Variants in CAMTA1 observed in about 807,000 individuals in gnomAD.
CAMTA1 encodes the protein calmodulin binding transcription activator 1.
CAMTA1 carries 27 observed loss-of-function variants against 170.9 expected under a neutral mutation model. That is an observed-to-expected ratio of 0.16 (90% CI 0.12 to 0.22). The LOEUF (loss-of-function observed/expected upper bound fraction) is 0.22. Ranked by LOEUF, CAMTA1 falls within the 10% of genes least tolerant of loss-of-function variation. The pLI is 1.00. For missense variants in CAMTA1, 1,619 were observed against 2,217.2 expected (o/e 0.73, Z 5.42); for synonymous variants, 833 against 891.5 (o/e 0.93, Z 1.17).
intron 3 of CAMTA1, chr1:6,888,199 G>A (rs1355667284): frequency 4.9e-5 from 48 of 986,144 alleles, no homozygotes; most frequent in Non-Finnish European, 5.8e-5. Context: ...GCTGTTGAAC[G>A]AATGTGTGGG....
intron 4 of CAMTA1, among the ~76,000 whole-genome samples, chr1:7,232,246 G>GC (rs75430357): frequency 1 from 152,232 of 152,234 alleles, 76,115 homozygotes; most frequent in Non-Finnish European, 1. Flanking sequence ...CAGTGGCTGA[G>GC]CAAGGCACCC....
At chr1:7,439,598 C>A (rs944443724) in intron 5 of CAMTA1, among the ~76,000 whole-genome samples, 1 of 152,216 alleles carries the variant, frequency 6.6e-6, no homozygotes, top group African/African-American at 2.4e-5. Flanking sequence ...CTCAAGCCTG[C>A]GCATGGTACG....
intron 3 of CAMTA1, among the ~76,000 whole-genome samples, chr1:6,945,459 C>T (rs1571937493): frequency 6.6e-6 from 1 of 152,158 alleles, no homozygotes; most frequent in South Asian, 2.1e-4. Flanking sequence ...GGTGATCCTC[C>T]CACCTCAGCC....
At position 7,007,965 on chromosome 1, in the gene CAMTA1, C is replaced by T. The variant is rs10864263; in HGVS notation, c.235-83339C>T. Among the ~76,000 whole-genome samples the T allele has an allele frequency of 0.37, 56,176 of 152,016 alleles. 11,283 individuals carry two copies. The highest frequency in any genetic ancestry group is 0.54 in the African/African-American group (22,570 of 41,458). On this transcript the variant is annotated intron_variant, in intron 3 of 22. Coordinates refer to ENST00000303635, the MANE Select transcript of CAMTA1 (RefSeq NM_015215.4). The surrounding 1 kb of genome is among the most constrained non-coding windows in gnomAD (Gnocchi z 4.5). ...AGAGCCCTGCGTGGAAAGGGAGGCC[C>T]GTGTTGGTGCCCTGTCCTCATCCAG...
At chr1:7,374,181 C>T (rs970089378) in intron 5 of CAMTA1, among the ~76,000 whole-genome samples, 54 of 152,230 alleles carry the variant, frequency 3.5e-4, no homozygotes, top group South Asian at 6.2e-4. Flanking sequence ...ACAGACAGTG[C>T]GCCTGGTCCC....
At chr1:7,569,368 C>A (rs1224574091) in intron 6 of CAMTA1, among the ~76,000 whole-genome samples, 2 of 149,016 alleles carry the variant, frequency 1.3e-5, no homozygotes, top group African/African-American at 2.5e-5. Flanking sequence ...ATCACCACCA[C>A]CAACCATCAT....
intron 7 of CAMTA1, among the ~76,000 whole-genome samples, chr1:7,659,849 T>A (rs940814289): frequency 6.6e-6 from 1 of 152,228 alleles, no homozygotes; most frequent in Non-Finnish European, 1.5e-5. Flanking sequence ...GGCACGTAGA[T>A]CGTGTTTTCT....
intron 5 of CAMTA1, among the ~76,000 whole-genome samples, chr1:7,414,138 G>A (rs1432810370): frequency 6.6e-6 from 1 of 152,164 alleles, no homozygotes; most frequent in Non-Finnish European, 1.5e-5. Flanking sequence ...GCTTTTTGAT[G>A]TGCTGCTGGA....
chr1:7,332,637 G>T (rs892893669), intron 5 of CAMTA1, among the ~76,000 whole-genome samples: 12 of 152,156 alleles, frequency 7.9e-5, no homozygotes, highest in African/African-American at 2.9e-4. Context: ...CAGCCATTGT[G>T]TTACTTAATT....
At chr1:7,006,670 A>G (rs1372699920) in intron 3 of CAMTA1, among the ~76,000 whole-genome samples, 4 of 152,156 alleles carry the variant, frequency 2.6e-5, no homozygotes, top group African/African-American at 9.7e-5. Flanking sequence ...TGGGGCACCT[A>G]TTAGCTGTGA....
At chr1:7,036,031 G>A (rs569768641) in intron 3 of CAMTA1, among the ~76,000 whole-genome samples, 1 of 152,270 alleles carries the variant, frequency 6.6e-6, no homozygotes, top group African/African-American at 2.4e-5. Flanking sequence ...AATATTTGTT[G>A]TTTATGGACG....
intron 4 of CAMTA1, among the ~76,000 whole-genome samples, chr1:7,103,858 C>T (rs28972029): frequency 0.011 from 1,578 of 148,970 alleles, 35 homozygotes; most frequent in African/African-American, 0.037. Context: ...ACACAACACA[C>T]ATACACACAC....
At chr1:7,422,071 A>G (rs557933528) in intron 5 of CAMTA1, among the ~76,000 whole-genome samples, 11 of 152,230 alleles carry the variant, frequency 7.2e-5, no homozygotes, top group African/African-American at 2.6e-4. Context: ...GCCACATGTC[A>G]GAAACCATGA....
At chr1:6,935,565 C>G (rs935551168) in intron 3 of CAMTA1, among the ~76,000 whole-genome samples, 2 of 152,188 alleles carry the variant, frequency 1.3e-5, no homozygotes. Flanking sequence ...AAGGAAATGG[C>G]GATCTCCTCC....
At chr1:6,952,983 G>A (rs998205254) in intron 3 of CAMTA1, among the ~76,000 whole-genome samples, 1 of 151,896 alleles carries the variant, frequency 6.6e-6, no homozygotes, top group African/African-American at 2.4e-5. Context: ...TTTCCTTCCC[G>A]CCGCCTTCCG....
chr1:7,602,138 T>TCCTTCCTC (rs1260434564), intron 6 of CAMTA1, among the ~76,000 whole-genome samples: 1 of 120,322 alleles, frequency 8.3e-6, no homozygotes, highest in Non-Finnish European at 1.7e-5. Flanking sequence ...CTTCCTTCCT[T>TCCTTCCTC]CCTTCCTCCC....
At chr1:6,840,347 G>A (rs1178626299) in intron 3 of CAMTA1, among the ~76,000 whole-genome samples, 1 of 152,200 alleles carries the variant, frequency 6.6e-6, no homozygotes, top group Non-Finnish European at 1.5e-5. Context: ...AGAGAGACCA[G>A]TTAAGAGTCT....
Position 6,933,667 on chromosome 1 carries a change from A to C in CAMTA1, c.234+108457A>C, listed in dbSNP as rs1427313157. On this transcript the variant is annotated intron_variant, in intron 3 of 22. Transcript: ENST00000303635. ...AGGTATGGGTTGAGGTTCGTTTTTC[A>C]TTTTTTTTTTTTTTGCACGTAGACA... is the stretch of plus-strand genomic sequence containing the variant. 3.7e-5 allele frequency among the ~76,000 whole-genome samples: 5 copies of C among 135,178 alleles called. No individual in the cohort carries two copies. The South Asian group carries it at 1.2e-3, about 32-fold the overall frequency. 88.7% of individuals were successfully genotyped at this position (135,178 alleles called of 152,430 possible).
At chr1:6,964,703 C>A (rs187729726) in intron 3 of CAMTA1, among the ~76,000 whole-genome samples, 1 of 152,208 alleles carries the variant, frequency 6.6e-6, no homozygotes, top group African/African-American at 2.4e-5. Context: ...TCCCCGCAGA[C>A]GCTGTTTTGC....
Sources: gnomAD v4.1 joint callset for allele counts (sites outside exome capture counted in the v4.1 genomes callset) on GRCh38, gnomAD v4.1.1 for gene constraint, Gnocchi (gnomAD v3.1) non-coding constraint, MANE v1.5 for transcripts, NCBI Gene and HGNC (gene_info 2026-07-23, HGNC 2026-07-21) for gene names.